The following SMARCA4 variants were observed in gnomAD, a reference collection of about 807,000 sequenced individuals.
SMARCA4 encodes SWI/SNF related BAF chromatin remodeling complex subunit ATPase 4.
In SMARCA4, 31 loss-of-function variants were observed where a neutral mutation model predicts 193.9. The ratio of observed to expected loss-of-function variants is 0.16; its 90% CI spans 0.12 to 0.22. The LOEUF is 0.22. Ranked by LOEUF, SMARCA4 falls within the 10% of genes least tolerant of loss-of-function variation. The pLI, the probability that SMARCA4 is intolerant of heterozygous loss-of-function variation, is 1.00. For synonymous variants in SMARCA4, 942 were observed against 933.1 expected, an observed-to-expected ratio of 1.01 and a Z score of -0.17; for missense variants, 1,148 against 2,296.0, an observed-to-expected ratio of 0.50 and a Z score of 10.22.
In SMARCA4 at chr19:11,018,398, C is replaced by T. The variant is rs1480505324; in HGVS notation, c.2439-559C>T. 1.1e-5 allele frequency: 3 copies of T among 261,536 alleles called. No individual in the cohort carries two copies. The East Asian group carries it at 2.7e-4, about 24-fold the overall frequency. The allele number at this position is 261,536 out of a possible 1,614,324, so 16.2% of individuals were successfully genotyped here. Reference sequence around the variant, plus strand: ...CCTCCCTCATTCCAGCCCTGGTCATCCCACAGGGGAACAGCCACGAGTTGC... The same window carrying T: ...CCTCCCTCATTCCAGCCCTGGTCATTCCACAGGGGAACAGCCACGAGTTGC... On this transcript the variant is annotated intron_variant, in intron 16 of 34. Transcript: ENST00000344626.
chr19:10,988,216 C>T (rs1292946480), intron 6 of SMARCA4, among the ~76,000 whole-genome samples: 1 of 152,006 alleles, frequency 6.6e-6, no homozygotes, highest in African/African-American at 2.4e-5. Context: ...CATCTCCTGG[C>T]TTCAAGCGAT....
At chr19:11,046,649 AG>A (rs1319830019) in intron 30 of SMARCA4, among the ~76,000 whole-genome samples, 1 of 152,190 alleles carries the variant, frequency 6.6e-6, no homozygotes, top group Non-Finnish European at 1.5e-5. Context: ...AACTCAGGAA[AG>A]ATAGTCGTTG....
At chr19:11,018,448 C>T (rs551325991) in intron 16 of SMARCA4, 28 of 285,298 alleles carry the variant, frequency 9.8e-5, no homozygotes, top group South Asian at 8.8e-4. Flanking sequence ...CCTGTCCTCC[C>T]GCCTGCCACC....
chr19:11,041,537 T>C lies in SMARCA4; in HGVS notation c.4401T>C (p.Asp1467=). 1 of 1,613,416 alleles carries C rather than the reference T, an allele frequency of 6.2e-7. No homozygotes were observed. The highest frequency in any genetic ancestry group is 8.5e-7 in the Non-Finnish European group (1 of 1,179,912). The change falls in exon 30 of 35, where the codon GAT becomes GAC. Residue 1467 remains aspartate, a synonymous_variant. Transcript: ENST00000344626. The surrounding 1 kb of genome is among the most constrained non-coding windows in gnomAD (Gnocchi z 5.6). Reference sequence around the variant, plus strand: ...CCAAGAAGATGAAGAAGATTGTGGATGCCGTGATCAAGTACAAGGACAGGT... The same window carrying C: ...CCAAGAAGATGAAGAAGATTGTGGACGCCGTGATCAAGTACAAGGACAGGT... ...NLTKKMKKIV[D]AVIKYKDSSS...
intron 1 of SMARCA4, among the ~76,000 whole-genome samples, chr19:10,977,309 C>T (rs778240192): frequency 1.3e-5 from 2 of 151,752 alleles, no homozygotes; most frequent in Non-Finnish European, 1.5e-5. Context: ...GTTACGGACT[C>T]GAGTTTTTTT....
chr19:11,057,035 G>A (rs1253231365), intron 30 of SMARCA4, among the ~76,000 whole-genome samples: 1 of 152,252 alleles, frequency 6.6e-6, no homozygotes, highest in Non-Finnish European at 1.5e-5. Context: ...AAGCGGTGCT[G>A]ATGAGGCAGC....
chr19:11,005,363 C>T (rs551643651), intron 13 of SMARCA4, among the ~76,000 whole-genome samples: 7 of 151,878 alleles, frequency 4.6e-5, no homozygotes, highest in Non-Finnish European at 8.8e-5. Context: ...GATTTTTTTC[C>T]TGGTTCATTA....
chr19:11,007,213 C>T (rs1254228146), intron 13 of SMARCA4, among the ~76,000 whole-genome samples: 3 of 151,776 alleles, frequency 2.0e-5, no homozygotes, highest in African/African-American at 4.8e-5. Flanking sequence ...AGGCGGATCA[C>T]GAGGTCAGGA....
chr19:11,039,944 G>A (rs1300459484), intron 29 of SMARCA4: 1 of 153,504 alleles, frequency 6.5e-6, no homozygotes, highest in Non-Finnish European at 1.5e-5. Flanking sequence ...AGCTGGACGT[G>A]GTGGTGGGCG....
intron 1 of SMARCA4, among the ~76,000 whole-genome samples, chr19:10,964,935 T>G (rs776812473): frequency 2.0e-5 from 3 of 152,138 alleles, no homozygotes; most frequent in Non-Finnish European, 4.4e-5. Flanking sequence ...TGGTGGAACT[T>G]TCTATCAGTA....
chr19:11,006,799 G>A (rs1026283769), intron 13 of SMARCA4, among the ~76,000 whole-genome samples: 3 of 151,790 alleles, frequency 2.0e-5, no homozygotes, highest in East Asian at 1.9e-4. Context: ...TAAAAGAAGC[G>A]TCGGGGCCGG....
chr19:10,968,069 T>A (rs1317200957), intron 1 of SMARCA4, among the ~76,000 whole-genome samples: 1 of 151,636 alleles, frequency 6.6e-6, no homozygotes, highest in Admixed American at 6.6e-5. Context: ...GCCAGGATGG[T>A]CTTGATCTCC....
chr19:11,018,835 T>C, intron 16 of SMARCA4, 122 bp from the exon 17 acceptor site: 1 of 826,476 alleles, frequency 1.2e-6, no homozygotes, highest in Non-Finnish European at 2.2e-6. Flanking sequence ...ACACAGTTTC[T>C]CTGCCCACTC....
In SMARCA4 at chr19:10,989,410, C is replaced by G. The variant is rs182329193; in HGVS notation, c.1212C>G (p.Leu404=). ...GDLRTKATIE[L]KALRLLNFQR... ...TGCGAACCAAAGCGACCATTGAGCTCAAGGCCCTCAGGCTGCTGAACTTCC... is the reference window on the plus strand; with the variant it reads ...TGCGAACCAAAGCGACCATTGAGCTGAAGGCCCTCAGGCTGCTGAACTTCC... Residue 404 remains leucine (L), a synonymous_variant, in exon 7 of 35, where the codon CTC becomes CTG. Transcript: ENST00000344626. The G allele has an allele frequency of 1.4e-5, 23 of 1,614,172 alleles. No individual in the cohort carries two copies. In the East Asian group the frequency reaches 4.5e-4, roughly 31 times the overall value.
intron 25 of SMARCA4, chr19:11,032,666 C>CG: frequency 8.9e-6 from 1 of 112,570 alleles, no homozygotes; most frequent in Non-Finnish European, 1.8e-5. Flanking sequence ...GACTTTGTCT[C>CG]AAAAAAAAAA....
intron 16 of SMARCA4, 76 bp from the exon 17 acceptor site, chr19:11,018,881 G>C (rs2146356171): frequency 8.0e-7 from 1 of 1,244,688 alleles, no homozygotes; most frequent in Admixed American, 1.7e-5. Context: ...GCCCCTGACA[G>C]CCAGTGGCTA....
chr19:10,983,065 A>C (rs931079602), intron 1 of SMARCA4, among the ~76,000 whole-genome samples: 3 of 152,194 alleles, frequency 2.0e-5, no homozygotes, highest in African/African-American at 7.2e-5. Context: ...TGCCATGGGT[A>C]AGATTATATG....
chr19:10,986,854 G>C lies in SMARCA4; in HGVS notation c.761-51G>C. The stretch of plus-strand genomic sequence containing the variant: ...AGGGCTGCCCACGGGGCTGGGCGCA[G>C]GCATAAACCTGGGACGCACTGTTTT... On this transcript the variant is annotated intron_variant, in intron 4 of 34. Coordinates refer to ENST00000344626, the MANE Select transcript of SMARCA4 (RefSeq NM_003072.5). This position sits in a 1 kb window ranked among gnomAD's most constrained non-coding sequence, Gnocchi z 6.7. 1.3e-6 allele frequency: 2 copies of C among 1,492,170 alleles called. No homozygotes were observed. Among genetic ancestry groups the C allele is most frequent in the South Asian group, 2.3e-5 (2 of 88,760 alleles). The allele number at this position is 1,492,170 out of a possible 1,614,324, so 92.4% of individuals were successfully genotyped here. A position where few individuals can be genotyped will look rare whatever the true frequency, so the allele number is the denominator to read the frequency against.
Position 11,017,764 on chromosome 19 carries a change from G to A in SMARCA4, c.2439-1193G>A, listed in dbSNP as rs113812383. On this transcript the variant is annotated intron_variant, in intron 16 of 34. Coordinates refer to ENST00000344626, the MANE Select transcript of SMARCA4 (RefSeq NM_003072.5). ...GGAAGCACAGGGTCAGGCCCTACGG[G>A]CCAGGTCCGGTGGCTCCAAGATGCC... Among the ~76,000 whole-genome samples the A allele has an allele frequency of 2.4e-3, 362 of 152,380 alleles. 7 individuals carry two copies. Among genetic ancestry groups the A allele is most frequent in the African/African-American group, 8.2e-3 (341 of 41,594 alleles).
Sources: allele counts gnomAD v4.1 joint callset (sites outside exome capture counted in the v4.1 genomes callset), GRCh38; gene constraint gnomAD v4.1.1; non-coding constraint Gnocchi (gnomAD v3.1); transcripts MANE v1.5; gene names NCBI Gene and HGNC (gene_info 2026-07-23, HGNC 2026-07-21).